Variants in TAS1R1 observed in about 807,000 individuals in gnomAD.
The protein encoded by TAS1R1 is taste 1 receptor member 1.
Under a neutral mutation model 45.8 loss-of-function variants are expected in TAS1R1, and 31 were observed. The ratio of observed to expected loss-of-function variants is 0.68; its 90% CI spans 0.51 to 0.91. The LOEUF (loss-of-function observed/expected upper bound fraction) is 0.91, where lower values mean the gene tolerates loss of function less well. Among genes scored for constraint, TAS1R1 ranks in the 40% least tolerant of loss-of-function variants. The pLI, the probability that TAS1R1 is intolerant of heterozygous loss-of-function variation, is 0.00. For synonymous variants in TAS1R1, 437 were observed against 448.4 expected (o/e 0.97, Z 0.32); for missense variants, 1,051 against 1,063.9 (o/e 0.99, Z 0.17).
rs1226197781 is a variant in TAS1R1 at position 6,575,128 on chromosome 1, T to G, written c.996T>G (p.Pro332=). The G allele has an allele frequency of 3.2e-6, 5 of 1,584,938 alleles. No individual in the cohort carries two copies. Among genetic ancestry groups the G allele is most frequent in the East Asian group, 4.5e-5 (2 of 44,720 alleles). Residue 332 remains proline (P), a synonymous_variant, in exon 3 of 6, where the codon CCT becomes CCG. Transcript: ENST00000333172. ...LGVAIQKRAV[P]GLKAFEEAYA... The stretch of plus-strand genomic sequence containing the variant: ...TGGCCATCCAGAAGAGGGCTGTCCC[T>G]GGCCTGAAGGCGTTTGAAGAAGCCT...
chr1:6,579,272 C>T lies in TAS1R1; in HGVS notation c.2214C>T (p.Leu738=). 3 of 1,614,238 alleles carry T rather than the reference C, an allele frequency of 1.9e-6. No homozygotes were observed. The highest frequency in any genetic ancestry group is 2.5e-6 in the Non-Finnish European group (3 of 1,180,042). Residue 738 remains leucine, a synonymous_variant, in exon 6 of 6, where the codon CTC becomes CTT. Transcript: ENST00000333172. ...FILAFLYNGL[L]SISAFACSYL... ...TGGCCTTCCTCTACAATGGCCTCCT[C>T]TCCATCAGTGCCTTTGCCTGCAGCT...
intron 1 of TAS1R1, among the ~76,000 whole-genome samples, chr1:6,560,485 G>A (rs12565181): frequency 0.18 from 26,939 of 152,192 alleles, 2,943 homozygotes; most frequent in African/African-American, 0.31. Context: ...CTTCCTGGTC[G>A]ATGGGCAAAA....
chr1:6,557,656 C>CA (rs1228569096), intron 1 of TAS1R1, among the ~76,000 whole-genome samples: 1 of 152,146 alleles, frequency 6.6e-6, no homozygotes, highest in African/African-American at 2.4e-5. Flanking sequence ...AGGCTGGTCT[C>CA]AAACTCCTGG....
chr1:6,562,169 G>GT (rs1167481305), intron 1 of TAS1R1, among the ~76,000 whole-genome samples: 6 of 152,034 alleles, frequency 3.9e-5, no homozygotes, highest in African/African-American at 1.2e-4. Context: ...GGCCAGGAGG[G>GT]TTTTTTTGTT....
Position 6,556,318 on chromosome 1 carries a change from T to C in TAS1R1, c.191+754T>C, listed in dbSNP as rs374629677. On this transcript the variant is annotated intron_variant, in intron 1 of 5. Coordinates refer to ENST00000333172, the MANE Select transcript of TAS1R1 (RefSeq NM_138697.4). ...AGATGCTTTAGGAGCTTGACAAATA[T>C]AAATTAGGTTGGTGCCATCATGAAG... is the stretch of plus-strand genomic sequence containing the variant. Among the ~76,000 whole-genome samples, 7 of 152,278 alleles carry C rather than the reference T, an allele frequency of 4.6e-5. No individual in the cohort carries two copies. The South Asian group carries it at 1.4e-3, about 32-fold the overall frequency.
intron 1 of TAS1R1, among the ~76,000 whole-genome samples, chr1:6,566,027 A>G (rs58332856): frequency 0.059 from 9,045 of 152,160 alleles, 889 homozygotes; most frequent in African/African-American, 0.2. Context: ...GAGACCCCAT[A>G]TGCTTTGTTA....
At chr1:6,561,016 G>A (rs1460889194) in intron 1 of TAS1R1, among the ~76,000 whole-genome samples, 3 of 149,978 alleles carry the variant, frequency 2.0e-5, no homozygotes, top group African/African-American at 7.4e-5. Flanking sequence ...GAGGGGCGAT[G>A]TTTATGGAGA....
intron 3 of TAS1R1, among the ~76,000 whole-genome samples, chr1:6,575,628 C>T (rs1487512877): frequency 6.6e-6 from 1 of 151,944 alleles, no homozygotes; most frequent in Non-Finnish European, 1.5e-5. Flanking sequence ...AAGTGATTCT[C>T]TTGCCTCGGC....
chr1:6,576,723 G>A (rs1640188739), intron 4 of TAS1R1, 96 bp downstream of exon 4: 1 of 1,488,214 alleles, frequency 6.7e-7, no homozygotes, highest in Non-Finnish European at 9.1e-7. Flanking sequence ...CAGGAGGGGG[G>A]CCCCAGGGGT....
chr1:6,573,914 C>T (rs998015028), intron 2 of TAS1R1, among the ~76,000 whole-genome samples: 6 of 152,106 alleles, frequency 3.9e-5, no homozygotes, highest in Admixed American at 1.3e-4. Flanking sequence ...CCACCCACCT[C>T]GGCCTCCCAA....
chr1:6,577,147 C>T, intron 5 of TAS1R1, 77 bp downstream of exon 5: 1 of 1,583,698 alleles, frequency 6.3e-7, no homozygotes, highest in South Asian at 1.1e-5. Flanking sequence ...TCCCTTGGGC[C>T]CCATGTGCCC....
intron 1 of TAS1R1, among the ~76,000 whole-genome samples, chr1:6,557,338 C>G (rs1003731390): frequency 1.1e-4 from 17 of 152,034 alleles, no homozygotes; most frequent in African/African-American, 3.6e-4. Context: ...TTGAGAGACT[C>G]GGGACAGAAG....
At chr1:6,570,811 A>C in intron 1 of TAS1R1, 98 bp from the exon 2 acceptor site, 1 of 1,163,904 alleles carries the variant, frequency 8.6e-7, no homozygotes, top group Non-Finnish European at 1.2e-6. Context: ...GATGACCTCA[A>C]AGGTTCCCTT....
Position 6,579,053 on chromosome 1 carries a change from G to A in TAS1R1, c.1995G>A (p.Lys665=). 1 of 1,613,082 alleles carries A rather than the reference G, an allele frequency of 6.2e-7. No homozygotes were observed. The highest frequency in any genetic ancestry group is 1.1e-5 in the South Asian group (1 of 91,050). The part of the protein sequence containing the change: ...QLIIIFKFST[K]VPTFYHAWVQ... ...TCATCATCTTCAAGTTTTCCACCAA[G>A]GTACCTACATTCTACCACGCCTGGG... Residue 665 remains lysine, a synonymous_variant, in exon 6 of 6, where the codon AAG becomes AAA. Transcript: ENST00000333172.
At chr1:6,565,899 G>T (rs1639865034) in intron 1 of TAS1R1, among the ~76,000 whole-genome samples, 1 of 152,210 alleles carries the variant, frequency 6.6e-6, no homozygotes, top group Admixed American at 6.5e-5. Flanking sequence ...TCTTAGAGGA[G>T]GGTGGGGGTA....
In TAS1R1 at chr1:6,579,233, C is replaced by T; in HGVS notation, c.2175C>T (p.Ser725=). 6.2e-7 allele frequency: 1 copy of T among 1,614,036 alleles called. No individual in the cohort carries two copies. Among genetic ancestry groups the T allele is most frequent in the Non-Finnish European group, 8.5e-7 (1 of 1,180,032 alleles). Residue 725 remains serine, a synonymous_variant, in exon 6 of 6, where the codon TCC becomes TCT. Transcript: ENST00000333172. The part of the protein sequence containing the change: ...LVMLECTETN[S]LGFILAFLYN... ...TGCTTGAGTGCACAGAGACCAACTC[C>T]CTGGGCTTCATACTGGCCTTCCTCT...
chr1:6,560,412 G>A (rs994700248), intron 1 of TAS1R1, among the ~76,000 whole-genome samples: 14 of 152,224 alleles, frequency 9.2e-5, no homozygotes, highest in African/African-American at 3.1e-4. Flanking sequence ...TACAGACTAG[G>A]GGGTATAAGT....
chr1:6,576,742 C>T (rs1640189465), intron 4 of TAS1R1, 115 bp downstream of exon 4: 29 of 1,386,850 alleles, frequency 2.1e-5, no homozygotes, highest in Non-Finnish European at 2.8e-5. Context: ...GTCCAGCTGC[C>T]ACCACTCTAC....
rs372346736 is a variant in TAS1R1, at chr1:6,577,064, A to T, written c.1588A>T (p.Lys530Ter). ...CTGTGGGGCTGGGACCTTCCTCAACAAGAGTGGTGAGTGGGCAATGGAGCA... is the reference window on the plus strand; with the variant it reads ...CTGTGGGGCTGGGACCTTCCTCAACTAGAGTGGTGAGTGGGCAATGGAGCA... The part of the protein sequence containing the change: ...VPCGAGTFLN[K>*]SDLYRCQPCG... Residue 530 changes from lysine to a stop codon, truncating the protein, a stop_gained, in exon 5 of 6, where the codon AAG becomes TAG. Transcript: ENST00000333172. LOFTEE classifies it low-confidence loss of function (END_TRUNC). 1.9e-6 allele frequency: 3 copies of T among 1,613,998 alleles called. No homozygotes were observed. Among genetic ancestry groups the T allele is most frequent in the Non-Finnish European group, 2.5e-6 (3 of 1,179,996 alleles).
Sources: gnomAD v4.1 joint callset for allele counts (sites outside exome capture counted in the v4.1 genomes callset) on GRCh38, gnomAD v4.1.1 for gene constraint, MANE v1.5 for transcripts, NCBI Gene and HGNC (gene_info 2026-07-23, HGNC 2026-07-21) for gene names.